TNFRSF10A: variants seen among roughly 807,000 people sequenced by gnomAD.
TNFRSF10A encodes the protein tumor necrosis factor receptor superfamily member 10A.
Under a neutral mutation model 42.8 loss-of-function variants are expected in TNFRSF10A, and 44 were observed. That is an observed-to-expected ratio of 1.03 (90% CI 0.81 to 1.32). The LOEUF is 1.32. TNFRSF10A is among the 40% of genes most tolerant of loss of function. The probability of loss-of-function intolerance (pLI) is 0.00; values close to 1 mark genes in which losing one functional copy is unlikely to be tolerated. For synonymous variants in TNFRSF10A, 259 were observed against 234.2 expected, an observed-to-expected ratio of 1.11 and a Z score of -0.97; for missense variants, 680 against 602.0, an observed-to-expected ratio of 1.13 and a Z score of -1.36.
intron 2 of TNFRSF10A, among the ~76,000 whole-genome samples, chr8:23,203,657 C>T (rs1313738243): frequency 6.6e-6 from 1 of 152,170 alleles, no homozygotes; most frequent in African/African-American, 2.4e-5. Flanking sequence ...CTTAGAAAAC[C>T]CAAACTGTGG....
At chr8:23,210,037 T>C (rs1007606461) in intron 2 of TNFRSF10A, among the ~76,000 whole-genome samples, 7 of 152,160 alleles carry the variant, frequency 4.6e-5, no homozygotes, top group African/African-American at 1.7e-4. Flanking sequence ...TTATAGTGAG[T>C]AAGTCTCATG....
chr8:23,203,225 A>C (rs1238079477), intron 2 of TNFRSF10A, among the ~76,000 whole-genome samples: 3 of 152,314 alleles, frequency 2.0e-5, no homozygotes, highest in Admixed American at 2.0e-4. Context: ...CCTAGAGACC[A>C]GGGCAATGCC....
At chr8:23,221,554 C>T (rs1048455936) in intron 1 of TNFRSF10A, among the ~76,000 whole-genome samples, 2 of 152,206 alleles carry the variant, frequency 1.3e-5, no homozygotes, top group Non-Finnish European at 2.9e-5. Context: ...CCAGGCTCAT[C>T]TGATGTCATC....
intron 1 of TNFRSF10A, 74 bp downstream of exon 1, chr8:23,224,682 C>T (rs1412438939): frequency 6.7e-7 from 1 of 1,483,472 alleles, no homozygotes; most frequent in Non-Finnish European, 9.0e-7. Context: ...ACCCCCGCCG[C>T]GTCCCCCTCT....
intron 2 of TNFRSF10A, among the ~76,000 whole-genome samples, chr8:23,211,580 T>C (rs78176502): frequency 0.019 from 2,831 of 152,160 alleles, 93 homozygotes; most frequent in African/African-American, 0.066. Flanking sequence ...AAGCCCAGCA[T>C]AAACAAAATA....
At chr8:23,208,544 C>T (rs1801049712) in intron 2 of TNFRSF10A, among the ~76,000 whole-genome samples, 1 of 152,250 alleles carries the variant, frequency 6.6e-6, no homozygotes, top group Admixed American at 6.5e-5. Flanking sequence ...GCAAGTCCGC[C>T]TCCTGGGTTC....
At chr8:23,217,608 G>C (rs1335296923) in intron 1 of TNFRSF10A, among the ~76,000 whole-genome samples, 2 of 152,106 alleles carry the variant, frequency 1.3e-5, no homozygotes, top group Non-Finnish European at 2.9e-5. Flanking sequence ...GGTGACTCTG[G>C]ACCTGGACAG....
intron 2 of TNFRSF10A, among the ~76,000 whole-genome samples, chr8:23,205,366 G>A (rs567477287): frequency 6.6e-6 from 1 of 152,268 alleles, no homozygotes; most frequent in South Asian, 2.1e-4. Context: ...TAATGCTGAT[G>A]TAAACAAACC....
chr8:23,217,294 CA>C (rs1365731879), intron 1 of TNFRSF10A, among the ~76,000 whole-genome samples: 1 of 152,136 alleles, frequency 6.6e-6, no homozygotes, highest in Non-Finnish European at 1.5e-5. Context: ...CTGCTCACTG[CA>C]ACCTCCGAAT....
chr8:23,196,999 G>T, intron 9 of TNFRSF10A, 133 bp downstream of exon 9: 1 of 1,155,594 alleles, frequency 8.7e-7, no homozygotes, highest in Non-Finnish European at 1.3e-6. Flanking sequence ...GGGTCTTGAT[G>T]GTCTATAGCA....
In TNFRSF10A at chr8:23,197,171, T is replaced by C. The variant is rs1563377428; in HGVS notation, c.1048A>G (p.Arg350Gly). Reference sequence around the variant, plus strand: ...GCACCATTTGCTGGAACCAGCAGCCTCCTCCTCTGAGACCCTTCAGCTTCT... The same window carrying C: ...GCACCATTTGCTGGAACCAGCAGCCCCCTCCTCTGAGACCCTTCAGCTTCT... The part of the protein sequence containing the change: ...PAEAEGSQRR[R>G]LLVPANGADP... Residue 350 changes from arginine (R) to glycine (G), a missense_variant, in exon 9 of 10, where the codon AGG becomes GGG. Coordinates refer to ENST00000221132, the MANE Select transcript of TNFRSF10A (RefSeq NM_003844.4). 6.2e-7 allele frequency: 1 copy of C among 1,614,098 alleles called. No individual in the cohort carries two copies. Among genetic ancestry groups the C allele is most frequent in the East Asian group, 2.2e-5 (1 of 44,886 alleles).
chr8:23,212,736 G>T (rs1002127923), intron 1 of TNFRSF10A, among the ~76,000 whole-genome samples: 1 of 152,126 alleles, frequency 6.6e-6, no homozygotes, highest in African/African-American at 2.4e-5. Context: ...TAAAATTGCT[G>T]TTTTCTTACA....
intron 9 of TNFRSF10A, 118 bp from the exon 10 acceptor site, chr8:23,192,131 G>A: frequency 6.8e-7 from 1 of 1,474,464 alleles, no homozygotes; most frequent in Non-Finnish European, 9.0e-7. Flanking sequence ...CCCTGCATGG[G>A]CAAACCTGTT....
intron 2 of TNFRSF10A, among the ~76,000 whole-genome samples, chr8:23,208,703 GCCT>G (rs1305568843): frequency 2.0e-5 from 3 of 152,140 alleles, no homozygotes; most frequent in Non-Finnish European, 4.4e-5. Context: ...TGATCCACCT[GCCT>G]TGGCCTCCCA....
chr8:23,213,639 A>T (rs1801127203), intron 1 of TNFRSF10A, among the ~76,000 whole-genome samples: 1 of 141,042 alleles, frequency 7.1e-6, no homozygotes, highest in South Asian at 2.2e-4. Flanking sequence ...TATTAGAGAC[A>T]GAGTTTCACT....
chr8:23,217,850 A>C (rs944024189), intron 1 of TNFRSF10A, among the ~76,000 whole-genome samples: 1 of 152,200 alleles, frequency 6.6e-6, no homozygotes, highest in African/African-American at 2.4e-5. Context: ...CAGGGAGATG[A>C]GGCACAGCCA....
rs71208595 is a variant in TNFRSF10A at position 23,224,299 on chromosome 8, CAAAAAAAAAAA to C, written c.306+446_306+456del. On this transcript the variant is annotated intron_variant, in intron 1 of 9. Transcript: ENST00000221132. ...TGGGCGACAGAGAGAGACTCCGTTT[CAAAAAAAAAAA>C]AAAAAAAAAAAAGAAGAGAAGAAAA... 1.9e-3 allele frequency: 194 copies of C among 101,726 alleles called. 1 individual carries two copies. Among genetic ancestry groups the C allele is most frequent in the South Asian group, 8.1e-3 (29 of 3,568 alleles). 6.3% of individuals were successfully genotyped at this position (101,726 alleles called of 1,614,324 possible).
intron 3 of TNFRSF10A, 100 bp from the exon 4 acceptor site, chr8:23,202,019 C>G: frequency 8.9e-7 from 1 of 1,118,822 alleles, no homozygotes; most frequent in South Asian, 1.4e-5. Flanking sequence ...CAGCTCAACT[C>G]AGTTTGCCAA....
At chr8:23,224,174 C>G (rs1801296760) in intron 1 of TNFRSF10A, among the ~76,000 whole-genome samples, 1 of 151,830 alleles carries the variant, frequency 6.6e-6, no homozygotes, top group Non-Finnish European at 1.5e-5. Flanking sequence ...GTGGCAGGAG[C>G]CTGTACTCCC....
Sources: allele counts gnomAD v4.1 joint callset (sites outside exome capture counted in the v4.1 genomes callset), GRCh38; gene constraint gnomAD v4.1.1; transcripts MANE v1.5; gene names NCBI Gene and HGNC (gene_info 2026-07-23, HGNC 2026-07-21).